Variants in SEMA5A observed in about 807,000 individuals in gnomAD.
The protein encoded by SEMA5A is semaphorin 5A.
In SEMA5A, 55 loss-of-function variants were observed where a neutral mutation model predicts 135.5. That is an observed-to-expected ratio of 0.41 (90% confidence interval 0.33 to 0.51). The LOEUF (loss-of-function observed/expected upper bound fraction) is 0.51. Among genes scored for constraint, SEMA5A ranks in the 20% least tolerant of loss-of-function variants. The pLI is 0.37. For synonymous variants in SEMA5A, 580 were observed against 546.5 expected, an observed-to-expected ratio of 1.06 and a Z score of -0.85; for missense variants, 1,290 against 1,419.9, an observed-to-expected ratio of 0.91 and a Z score of 1.47.
chr5:9,295,634 TA>T (rs1030996439), intron 5 of SEMA5A, among the ~76,000 whole-genome samples: 1 of 152,142 alleles, frequency 6.6e-6, no homozygotes, highest in African/African-American at 2.4e-5. Context: ...GTCTGAGAGC[TA>T]ATCTGGAATG....
chr5:9,355,792 A>AGTTGGAAGAAAGATGTGTGGAGTGT lies in SEMA5A; in HGVS notation c.125-18005_125-17981dup, dbSNP rs572948560. On this transcript the variant is annotated intron_variant, in intron 3 of 22. Coordinates refer to ENST00000382496, the MANE Select transcript of SEMA5A (RefSeq NM_003966.3). ...AAGAAAATGGCCACTCATTACTGAGAGTTGGAAGAAAGATGTGTGGAGTGT... is the reference window on the plus strand; with the variant it reads ...AAGAAAATGGCCACTCATTACTGAGAGTTGGAAGAAAGATGTGTGGAGTGTGTTGGAAGAAAGATGTGTGGAGTGT... Among the ~76,000 whole-genome samples, 24 of 152,306 alleles carry AGTTGGAAGAAAGATGTGTGGAGTGT rather than the reference A, an allele frequency of 1.6e-4. No homozygotes were observed. In the South Asian group the frequency reaches 3.9e-3, roughly 25 times the overall value.
At chr5:9,377,561 A>C (rs1435041453) in intron 3 of SEMA5A, among the ~76,000 whole-genome samples, 1 of 152,160 alleles carries the variant, frequency 6.6e-6, no homozygotes, top group Non-Finnish European at 1.5e-5. Context: ...AGAGAGAAAA[A>C]AGTCATTTTA....
At position 9,133,552 on chromosome 5, in the gene SEMA5A, G is replaced by T. The variant is rs147827310; in HGVS notation, c.1599+2952C>A. ...AAGCAGACCTTGTAATGAGTGTTTT[G>T]CTGACTGAGAGCCAGATATCACATC... On this transcript the variant is annotated intron_variant, in intron 13 of 22. Transcript: ENST00000382496. 9.1e-3 allele frequency among the ~76,000 whole-genome samples: 1,384 copies of T among 152,256 alleles called. 14 individuals carry two copies. Among genetic ancestry groups the T allele is most frequent in the African/African-American group, 0.032 (1,317 of 41,548 alleles).
intron 2 of SEMA5A, among the ~76,000 whole-genome samples, chr5:9,420,144 G>A (rs1440865598): frequency 6.6e-6 from 1 of 151,960 alleles, no homozygotes; most frequent in Non-Finnish European, 1.5e-5. Flanking sequence ...AATGCCCAGG[G>A]GTGCTTCAAA....
intron 3 of SEMA5A, among the ~76,000 whole-genome samples, chr5:9,347,494 T>C (rs976882541): frequency 2.0e-5 from 3 of 152,226 alleles, no homozygotes; most frequent in Non-Finnish European, 4.4e-5. Flanking sequence ...AGTTCCTGAT[T>C]GGGTCTTCCT....
intron 2 of SEMA5A, among the ~76,000 whole-genome samples, chr5:9,429,037 G>A (rs1757765109): frequency 6.6e-6 from 1 of 152,230 alleles, no homozygotes; most frequent in African/African-American, 2.4e-5. Flanking sequence ...TGCCATTGCA[G>A]GGATGTGCAC....
chr5:9,249,248 T>C (rs114882783), intron 5 of SEMA5A, among the ~76,000 whole-genome samples: 2,076 of 152,184 alleles, frequency 0.014, 43 homozygotes, highest in African/African-American at 0.047. Context: ...ATAAAGGAAA[T>C]CTCTATTTGT....
intron 2 of SEMA5A, among the ~76,000 whole-genome samples, chr5:9,388,871 C>T (rs955207063): frequency 6.7e-6 from 1 of 148,898 alleles, no homozygotes; most frequent in African/African-American, 2.5e-5. Flanking sequence ...TGCACTCCAG[C>T]CTGGGTGACA....
At chr5:9,321,855 T>C (rs1752640965) in intron 4 of SEMA5A, among the ~76,000 whole-genome samples, 1 of 152,216 alleles carries the variant, frequency 6.6e-6, no homozygotes, top group Non-Finnish European at 1.5e-5. Flanking sequence ...CTCACACACA[T>C]ACACGTGCAC....
At chr5:9,328,637 ATGG>A (rs1339432624) in intron 4 of SEMA5A, among the ~76,000 whole-genome samples, 1 of 152,082 alleles carries the variant, frequency 6.6e-6, no homozygotes, top group Non-Finnish European at 1.5e-5. Flanking sequence ...TTAGCCGGAT[ATGG>A]TGGTGGGTGC....
intron 1 of SEMA5A, among the ~76,000 whole-genome samples, chr5:9,509,016 G>A (rs1298050906): frequency 2.6e-5 from 4 of 152,066 alleles, no homozygotes; most frequent in African/African-American, 9.7e-5. Context: ...GACTTAAAAA[G>A]AGAAGGGAGT....
intron 5 of SEMA5A, among the ~76,000 whole-genome samples, chr5:9,306,265 AG>A (rs1751865309): frequency 6.6e-6 from 1 of 152,114 alleles, no homozygotes; most frequent in Non-Finnish European, 1.5e-5. Context: ...TTGAGACTCA[AG>A]TTGTATGTGA....
intron 11 of SEMA5A, among the ~76,000 whole-genome samples, chr5:9,157,793 C>A (rs978560700): frequency 2.2e-4 from 34 of 152,316 alleles, no homozygotes; most frequent in Admixed American, 2.6e-4. Flanking sequence ...ATGTTATTTT[C>A]TTTCAGTGGC....
chr5:9,202,064 G>C lies in SEMA5A; in HGVS notation c.823C>G (p.Arg275Gly). 1 of 1,614,198 alleles carries C rather than the reference G, an allele frequency of 6.2e-7. No individual in the cohort carries two copies. The highest frequency in any genetic ancestry group is 8.5e-7 in the Non-Finnish European group (1 of 1,180,024). ...EDTWTTFMKA[R>G]LNCSRPGEVP... The stretch of plus-strand genomic sequence containing the variant: ...TCCCCAGGACGGGAGCAGTTCAGGC[G>C]AGCCTTCATGAATGTGGTCCAGGTG... Residue 275 changes from arginine (R) to glycine (G), a missense_variant, in exon 9 of 23, where the codon CGC becomes GGC. Arg to Gly is a moderately radical substitution (Grantham distance 125). Transcript: ENST00000382496.
intron 11 of SEMA5A, among the ~76,000 whole-genome samples, chr5:9,184,501 T>C (rs1275827989): frequency 1.3e-5 from 2 of 152,306 alleles, no homozygotes; most frequent in East Asian, 3.9e-4. Context: ...GTGTGGTCCA[T>C]TGTCTTTGTG....
At position 9,154,471 on chromosome 5, in the gene SEMA5A, C is replaced by G; in HGVS notation, c.1481+17G>C. On this transcript the variant is annotated intron_variant, in intron 12 of 22. Coordinates refer to ENST00000382496, the MANE Select transcript of SEMA5A (RefSeq NM_003966.3). ...TCACACACACACCAGTGCATCCTGA[C>G]CCCGGAGATGCCCTACCTGCGTGTG... is the stretch of plus-strand genomic sequence containing the variant. 1 of 1,611,000 alleles carries G rather than the reference C, an allele frequency of 6.2e-7. No individual in the cohort carries two copies. Among genetic ancestry groups the G allele is most frequent in the Non-Finnish European group, 8.5e-7 (1 of 1,179,132 alleles).
chr5:9,093,692 C>CA (rs11386891), intron 16 of SEMA5A, among the ~76,000 whole-genome samples: 40,927 of 146,492 alleles, frequency 0.28, 5,789 homozygotes, highest in Non-Finnish European at 0.31. Flanking sequence ...GACTCTGTCT[C>CA]AAAAAAAAAC....
intron 5 of SEMA5A, among the ~76,000 whole-genome samples, chr5:9,285,502 T>G (rs1750753364): frequency 1.3e-5 from 2 of 152,230 alleles, no homozygotes; most frequent in Non-Finnish European, 2.9e-5. Flanking sequence ...ACATACAAAT[T>G]AAACACATTG....
intron 7 of SEMA5A, 127 bp from the exon 8 acceptor site, chr5:9,225,014 A>T (rs942564146): frequency 1.3e-6 from 1 of 768,626 alleles, no homozygotes; most frequent in East Asian, 2.7e-5. Context: ...ATGGGGCAAG[A>T]TGACCAACTT....
Sources: gnomAD v4.1 joint callset for allele counts (sites outside exome capture counted in the v4.1 genomes callset) on GRCh38, gnomAD v4.1.1 for gene constraint, MANE v1.5 for transcripts, NCBI Gene and HGNC (gene_info 2026-07-23, HGNC 2026-07-21) for gene names.